Variants in CFAP54 observed in about 807,000 individuals in gnomAD.
CFAP54 encodes cilia- and flagella-associated protein 54.
CFAP54 carries 290 observed loss-of-function variants against 370.4 expected under a neutral mutation model. That is an observed-to-expected ratio of 0.78 (90% confidence interval 0.71 to 0.86). CFAP54 has a LOEUF of 0.86. Ranked by LOEUF, CFAP54 falls within the 40% of genes least tolerant of loss-of-function variation. The pLI is 0.00. For synonymous variants in CFAP54, 1,206 were observed against 1,236.5 expected (o/e 0.98, Z 0.52); for missense variants, 3,399 against 3,528.7 (o/e 0.96, Z 0.93).
At chr12:96,576,299 A>T (rs1440483917) in intron 19 of CFAP54, among the ~76,000 whole-genome samples, 2 of 151,938 alleles carry the variant, frequency 1.3e-5, no homozygotes, top group African/African-American at 2.4e-5. Flanking sequence ...CAAAAGGTTC[A>T]ATTTAAAAAT....
At chr12:96,728,709 G>A (rs372445100) in intron 50 of CFAP54, among the ~76,000 whole-genome samples, 107 of 152,260 alleles carry the variant, frequency 7.0e-4, no homozygotes, top group Middle Eastern at 6.8e-3. Flanking sequence ...GCTTTGTTCC[G>A]TTGCTGGTGA....
intron 9 of CFAP54, among the ~76,000 whole-genome samples, chr12:96,531,282 T>C (rs935855966): frequency 1.3e-5 from 2 of 152,262 alleles, no homozygotes; most frequent in South Asian, 4.1e-4. Context: ...GTATATATAG[T>C]GTTTCTGTTG....
chr12:96,650,519 C>G (rs989300515), intron 35 of CFAP54, among the ~76,000 whole-genome samples: 1 of 152,104 alleles, frequency 6.6e-6, no homozygotes, highest in Non-Finnish European at 1.5e-5. Context: ...GCCCTTGCCC[C>G]CGGTCTCCTT....
intron 22 of CFAP54, among the ~76,000 whole-genome samples, chr12:96,585,037 CTCT>C (rs975928208): frequency 5.0e-5 from 3 of 59,988 alleles, no homozygotes; most frequent in Admixed American, 1.9e-4. Flanking sequence ...CTCTCTCTCT[CTCT>C]TTTTTTTTTT....
At chr12:96,857,828 C>T (rs1053900392) in intron 66 of CFAP54, among the ~76,000 whole-genome samples, 11 of 152,174 alleles carry the variant, frequency 7.2e-5, no homozygotes, top group Admixed American at 4.6e-4. Context: ...GAGTCCTCGC[C>T]AGCCATGTGG....
intron 26 of CFAP54, among the ~76,000 whole-genome samples, chr12:96,616,321 T>A (rs985229663): frequency 6.7e-6 from 1 of 149,352 alleles, no homozygotes; most frequent in Non-Finnish European, 1.5e-5. Flanking sequence ...ATGAGAACAC[T>A]TGGACACAGG....
chr12:96,499,439 G>A (rs1226605485), intron 1 of CFAP54, among the ~76,000 whole-genome samples: 1 of 152,166 alleles, frequency 6.6e-6, no homozygotes, highest in African/African-American at 2.4e-5. Flanking sequence ...CTATTAGGAA[G>A]GCTAAAATCT....
chr12:96,649,783 T>C, intron 34 of CFAP54, 108 bp from the exon 35 acceptor site: 1 of 655,600 alleles, frequency 1.5e-6, no homozygotes, highest in East Asian at 3.0e-5. Flanking sequence ...TCCAAGTTTA[T>C]GTAGCATTTG....
At chr12:96,834,516 G>A (rs1244689080) in intron 66 of CFAP54, among the ~76,000 whole-genome samples, 2 of 152,250 alleles carry the variant, frequency 1.3e-5, no homozygotes, top group Non-Finnish European at 2.9e-5. Context: ...AGTGTGGCAG[G>A]CAGCTCTAGG....
intron 47 of CFAP54, among the ~76,000 whole-genome samples, chr12:96,705,002 G>A (rs528116090): frequency 6.6e-6 from 1 of 151,860 alleles, no homozygotes; most frequent in Admixed American, 6.6e-5. Flanking sequence ...GGAATGATTG[G>A]GACTTAAGCA....
chr12:96,562,708 G>C (rs1955828898), intron 17 of CFAP54, among the ~76,000 whole-genome samples: 1 of 151,896 alleles, frequency 6.6e-6, no homozygotes, highest in Non-Finnish European at 1.5e-5. Context: ...TGGGATTACA[G>C]GTGTGAGCCA....
At chr12:96,652,893 A>G (rs996939168) in intron 36 of CFAP54, among the ~76,000 whole-genome samples, 1 of 152,272 alleles carries the variant, frequency 6.6e-6, no homozygotes, top group Non-Finnish European at 1.5e-5. Context: ...TGAGAGATAA[A>G]GAGGGACATT....
Position 96,786,857 on chromosome 12 carries a change from C to A in CFAP54, c.8638C>A (p.Pro2880Thr). The A allele has an allele frequency of 1.3e-6, 2 of 1,535,198 alleles. No homozygotes were observed. The highest frequency in any genetic ancestry group is 1.7e-6 in the Non-Finnish European group (2 of 1,146,372). Residue 2880 changes from proline (P) to threonine (T), a missense_variant, in exon 62 of 68, where the codon CCC becomes ACC. Transcript: ENST00000524981. ...AGAACTTCTTTGTCAACTGGAAAAT[C>A]CCCCTCTTTCAGAAAAAGACTTACG... ...PKELLCQLEN[P>T]PLSEKDLRES...
intron 17 of CFAP54, among the ~76,000 whole-genome samples, chr12:96,559,877 A>C (rs1955797715): frequency 6.6e-6 from 1 of 152,024 alleles, no homozygotes; most frequent in Non-Finnish European, 1.5e-5. Context: ...CCAATTGATC[A>C]TTTATTTACT....
rs1437087890 is a variant in CFAP54, at chr12:96,764,161, G to A, written c.8051G>A (p.Arg2684Lys). 6.2e-7 allele frequency: 1 copy of A among 1,610,592 alleles called. No individual in the cohort carries two copies. The highest frequency in any genetic ancestry group is 8.5e-7 in the Non-Finnish European group (1 of 1,177,880). The part of the protein sequence containing the change: ...GSPLTLKPPL[R>K]RSSSVKETSA... ...TTGCCATATTTTTAGCCTCCTCTCA[G>A]AAGAAGTAGTTCTGTTAAAGAAACA... The change falls in exon 59 of 68, where the codon AGA becomes AAA. Residue 2684 changes from arginine to lysine, a missense_variant. Arg to Lys is a conservative substitution (Grantham distance 26, BLOSUM62 2). This residue lies in a region of CFAP54 where 2,796 missense variants were observed against 2,869.7 expected (regional missense o/e 0.97). Coordinates refer to ENST00000524981, the MANE Select transcript of CFAP54 (RefSeq NM_001306084.2).
rs1565942025 is a variant in CFAP54, at chr12:96,685,210, G to A, written c.5986G>A (p.Gly1996Arg). The change falls in exon 42 of 68, where the codon GGA (glycine) becomes AGA (arginine). Residue 1996 changes from glycine (G) to arginine (R), a missense_variant. Transcript: ENST00000524981. The part of the protein sequence containing the change: ...SRVGIWGCLQ[G>R]AVISAKIAQF... ...AGTTGGCATCTGGGGGTGTTTGCAA[G>A]GAGCAGTCATATCAGCAAAGATAGC... is the stretch of plus-strand genomic sequence containing the variant. 6.2e-7 allele frequency: 1 copy of A among 1,614,082 alleles called. No homozygotes were observed. Among genetic ancestry groups the A allele is most frequent in the African/African-American group, 1.3e-5 (1 of 75,030 alleles).
chr12:96,548,283 A>G (rs993830458), intron 15 of CFAP54, among the ~76,000 whole-genome samples: 4 of 152,078 alleles, frequency 2.6e-5, no homozygotes, highest in African/African-American at 9.7e-5. Context: ...CCTTTCCCCT[A>G]CCTAGGAGTA....
chr12:96,757,606 T>C lies in CFAP54; in HGVS notation c.8040+18T>C. On this transcript the variant is annotated intron_variant, in intron 58 of 67. Coordinates refer to ENST00000524981, the MANE Select transcript of CFAP54 (RefSeq NM_001306084.2). ...CACTTAAGGTAAGAGTCTATTTTAT[T>C]AGAAATTATGAGTTAATTGCCTTTG... is the stretch of plus-strand genomic sequence containing the variant. The C allele has an allele frequency of 6.8e-7, 1 of 1,461,332 alleles. No homozygotes were observed. The allele number at this position is 1,461,332 out of a possible 1,614,324, so 90.5% of individuals were successfully genotyped here. A position where few individuals can be genotyped will look rare whatever the true frequency, so the allele number is the denominator to read the frequency against.
At chr12:96,688,287 T>C (rs1373851930) in intron 42 of CFAP54, among the ~76,000 whole-genome samples, 3 of 152,188 alleles carry the variant, frequency 2.0e-5, no homozygotes, top group African/African-American at 7.2e-5. Flanking sequence ...ATACTTAATG[T>C]TGTGAATGGC....
Sources: allele counts gnomAD v4.1 joint callset (sites outside exome capture counted in the v4.1 genomes callset), GRCh38; gene constraint gnomAD v4.1.1; regional missense constraint gnomAD v4.1.1; transcripts MANE v1.5; gene names NCBI Gene and HGNC (gene_info 2026-07-23, HGNC 2026-07-21).